B3GAT2: variants seen among roughly 807,000 people sequenced by gnomAD.
The protein encoded by B3GAT2 is beta-1,3-glucuronyltransferase 2, also known as galactosylgalactosylxylosylprotein 3-beta-glucuronosyltransferase 2.
B3GAT2 carries 26 observed loss-of-function variants against 27.8 expected under a neutral mutation model. The ratio of observed to expected loss-of-function variants is 0.93; its 90% CI spans 0.68 to 1.30. The LOEUF (loss-of-function observed/expected upper bound fraction) is 1.30, where lower values mean the gene tolerates loss of function less well. Ranked by LOEUF, B3GAT2 falls within the 50% of genes most tolerant of loss-of-function variation. The pLI is 0.00. For missense variants in B3GAT2, 458 were observed against 459.0 expected (o/e 1.00, Z 0.02); for synonymous variants, 218 against 195.1 (o/e 1.12, Z -0.98).
intron 1 of B3GAT2, among the ~76,000 whole-genome samples, chr6:70,932,932 G>C (rs976136567): frequency 6.6e-6 from 1 of 152,108 alleles, no homozygotes; most frequent in Non-Finnish European, 1.5e-5. Context: ...CTCTCAAGTA[G>C]CTGAGGGTAC....
chr6:70,890,900 A>G (rs1409958271), intron 2 of B3GAT2, among the ~76,000 whole-genome samples: 2 of 152,240 alleles, frequency 1.3e-5, no homozygotes, highest in East Asian at 3.8e-4. Flanking sequence ...AATTAATAAT[A>G]AGGCACATGC....
At chr6:70,951,498 C>T (rs936897386) in intron 1 of B3GAT2, among the ~76,000 whole-genome samples, 1 of 151,950 alleles carries the variant, frequency 6.6e-6, no homozygotes, top group Non-Finnish European at 1.5e-5. Context: ...TGTCTATTCA[C>T]GAGACAGAAT....
At chr6:70,869,261 T>C (rs891367967) in intron 2 of B3GAT2, among the ~76,000 whole-genome samples, 3 of 152,132 alleles carry the variant, frequency 2.0e-5, no homozygotes, top group African/African-American at 7.2e-5. Flanking sequence ...GGGATGCTCC[T>C]GCCTCAGCCT....
intron 2 of B3GAT2, among the ~76,000 whole-genome samples, chr6:70,892,827 G>C (rs1337723816): frequency 6.6e-6 from 1 of 152,326 alleles, no homozygotes; most frequent in East Asian, 1.9e-4. Context: ...ACTCTGAGCG[G>C]GTCGAGGGCA....
At chr6:70,938,148 G>T (rs1765327417) in intron 1 of B3GAT2, among the ~76,000 whole-genome samples, 4 of 148,586 alleles carry the variant, frequency 2.7e-5, no homozygotes, top group Admixed American at 6.8e-5. Flanking sequence ...GAACTCCCAT[G>T]CACAATTGCT....
intron 1 of B3GAT2, among the ~76,000 whole-genome samples, chr6:70,933,832 C>T (rs1231572089): frequency 6.6e-6 from 1 of 152,138 alleles, no homozygotes; most frequent in Non-Finnish European, 1.5e-5. Context: ...GCTCCTGTTG[C>T]CCCAGACTTC....
At chr6:70,874,012 T>C (rs936879328) in intron 2 of B3GAT2, among the ~76,000 whole-genome samples, 20 of 152,210 alleles carry the variant, frequency 1.3e-4, no homozygotes, top group African/African-American at 4.6e-4. Flanking sequence ...ATTTAAAATA[T>C]CTGATTTAAA....
intron 2 of B3GAT2, among the ~76,000 whole-genome samples, chr6:70,890,266 C>G (rs769085828): frequency 1.8e-4 from 27 of 152,212 alleles, no homozygotes; most frequent in African/African-American, 4.3e-4. Flanking sequence ...CTGGCTCCCC[C>G]CCTGCAGTCA....
intron 1 of B3GAT2, among the ~76,000 whole-genome samples, chr6:70,910,778 T>A (rs1772676998): frequency 6.6e-6 from 1 of 152,190 alleles, no homozygotes; most frequent in Admixed American, 6.5e-5. Flanking sequence ...CTGAACTAAT[T>A]TACATTTCCA....
intron 1 of B3GAT2, among the ~76,000 whole-genome samples, chr6:70,950,032 C>T (rs1031130208): frequency 4.9e-5 from 7 of 141,544 alleles, no homozygotes; most frequent in African/African-American, 1.8e-4. Flanking sequence ...GGAAGGGGAA[C>T]ATCACACTCT....
intron 1 of B3GAT2, among the ~76,000 whole-genome samples, chr6:70,953,603 C>A (rs994396201): frequency 6.6e-6 from 1 of 152,152 alleles, no homozygotes; most frequent in Non-Finnish European, 1.5e-5. Flanking sequence ...AACTTAAATT[C>A]TAAGTATGTC....
chr6:70,902,627 T>TACACACAC (rs1305174641), intron 1 of B3GAT2, among the ~76,000 whole-genome samples: 3 of 142,014 alleles, frequency 2.1e-5, no homozygotes, highest in African/African-American at 8.4e-5. Context: ...GATATATATA[T>TACACACAC]ATATATATAT....
At chr6:70,944,592 C>T (rs1765447497) in intron 1 of B3GAT2, among the ~76,000 whole-genome samples, 1 of 151,600 alleles carries the variant, frequency 6.6e-6, no homozygotes, top group South Asian at 2.1e-4. Flanking sequence ...TGGAGGCCAC[C>T]ACAGCTCAAG....
In B3GAT2 at chr6:70,857,756, G is replaced by C. The variant is rs1019058557; in HGVS notation, c.*3907C>G. 2 of 632,780 alleles carry C rather than the reference G, an allele frequency of 3.2e-6. No individual in the cohort carries two copies. The highest frequency in any genetic ancestry group is 6.0e-5 in the Admixed American group (2 of 33,524). The allele number at this position is 632,780 out of a possible 1,614,324, so 39.2% of individuals were successfully genotyped here. A position where few individuals can be genotyped will look rare whatever the true frequency, so the allele number is the denominator to read the frequency against. ...TTTGTCTGCATCCTAGAAACAACCA[G>C]CTCTCAGGGTTTAGGTGTGGGTTGG... On this transcript the variant is annotated 3_prime_UTR_variant, in exon 4 of 4. Transcript: ENST00000230053.
intron 1 of B3GAT2, among the ~76,000 whole-genome samples, chr6:70,944,466 A>T (rs1464712446): frequency 6.6e-6 from 1 of 151,592 alleles, no homozygotes; most frequent in Non-Finnish European, 1.5e-5. Flanking sequence ...TTGCTAGCAC[A>T]GGTCTGAGAT....
At chr6:70,866,857 G>C (rs1771859613) in intron 2 of B3GAT2, among the ~76,000 whole-genome samples, 1 of 152,164 alleles carries the variant, frequency 6.6e-6, no homozygotes, top group Non-Finnish European at 1.5e-5. Context: ...AACAACAGCA[G>C]AATACAATCT....
At chr6:70,889,119 C>T (rs1772240952) in intron 2 of B3GAT2, among the ~76,000 whole-genome samples, 2 of 152,106 alleles carry the variant, frequency 1.3e-5, no homozygotes, top group South Asian at 4.1e-4. Context: ...ACAACTGGCC[C>T]CTCCACCTTC....
chr6:70,935,572 A>T (rs1299898008), intron 1 of B3GAT2, among the ~76,000 whole-genome samples: 1 of 152,158 alleles, frequency 6.6e-6, no homozygotes, highest in Non-Finnish European at 1.5e-5. Context: ...GATCTACTGG[A>T]TATATTTAAA....
intron 2 of B3GAT2, among the ~76,000 whole-genome samples, chr6:70,867,277 C>T (rs748403419): frequency 4.0e-5 from 6 of 151,418 alleles, no homozygotes; most frequent in Non-Finnish European, 8.8e-5. Context: ...AAAAAGAAAG[C>T]AAATGAAGCC....
Sources: gnomAD v4.1 joint callset for allele counts (sites outside exome capture counted in the v4.1 genomes callset) on GRCh38, gnomAD v4.1.1 for gene constraint, MANE v1.5 for transcripts, NCBI Gene and HGNC (gene_info 2026-07-23, HGNC 2026-07-21) for gene names.